Variants in SMIM31 observed in about 807,000 individuals in gnomAD.
SMIM31 encodes small integral membrane protein 31.
At chr4:164,782,276 T>G (rs534527255) in intron 2 of SMIM31, among the ~76,000 whole-genome samples, 2 of 150,726 alleles carry the variant, frequency 1.3e-5, no homozygotes, top group South Asian at 4.2e-4. Flanking sequence ...GCAACCAGAG[T>G]GAAACTCCGT....
At chr4:164,794,393 A>G (rs904543020) in intron 2 of SMIM31, among the ~76,000 whole-genome samples, 1 of 151,906 alleles carries the variant, frequency 6.6e-6, no homozygotes, top group Non-Finnish European at 1.5e-5. Context: ...AGAAGAAAAA[A>G]GAAGAAGAAG....
At chr4:164,769,512 G>T (rs111927687) in intron 1 of SMIM31, among the ~76,000 whole-genome samples, 2,766 of 144,264 alleles carry the variant, frequency 0.019, 88 homozygotes, top group African/African-American at 0.066. Flanking sequence ...ACCAAACACC[G>T]CATGTTCTCA....
At chr4:164,793,081 T>TCATTA (rs1733125470) in intron 2 of SMIM31, among the ~76,000 whole-genome samples, 1 of 151,294 alleles carries the variant, frequency 6.6e-6, no homozygotes, top group African/African-American at 2.4e-5. Context: ...ATACTGGAGG[T>TCATTA]CATTACATTA....
intron 1 of SMIM31, among the ~76,000 whole-genome samples, chr4:164,766,146 G>A (rs1379120339): frequency 1.3e-5 from 2 of 152,124 alleles, no homozygotes; most frequent in Admixed American, 1.3e-4. Flanking sequence ...AATAACAGCA[G>A]CAAGAAAAAC....
At chr4:164,772,409 G>A (rs1732816529) in intron 2 of SMIM31, among the ~76,000 whole-genome samples, 1 of 152,056 alleles carries the variant, frequency 6.6e-6, no homozygotes, top group Admixed American at 6.5e-5. Context: ...ATGAGATTCG[G>A]GAGGGAGCAC....
intron 2 of SMIM31, among the ~76,000 whole-genome samples, chr4:164,791,313 A>G (rs1361070387): frequency 6.6e-6 from 1 of 152,220 alleles, no homozygotes; most frequent in African/African-American, 2.4e-5. Flanking sequence ...TTTAAAAATT[A>G]TAATACATTT....
chr4:164,773,611 A>C (rs1732841696), intron 2 of SMIM31, among the ~76,000 whole-genome samples: 1 of 152,140 alleles, frequency 6.6e-6, no homozygotes, highest in African/African-American at 2.4e-5. Context: ...CCATGATTCT[A>C]TTACCTCCAC....
chr4:164,766,518 G>T (rs577925735), intron 1 of SMIM31, among the ~76,000 whole-genome samples: 47 of 152,232 alleles, frequency 3.1e-4, no homozygotes, highest in Non-Finnish European at 6.2e-4. Context: ...AAAAAATGTA[G>T]CCAGGCACGG....
chr4:164,757,679 C>A (rs1022379344), intron 1 of SMIM31, among the ~76,000 whole-genome samples: 5 of 151,480 alleles, frequency 3.3e-5, no homozygotes, highest in East Asian at 1.9e-4. Context: ...AAAACATTTT[C>A]TTTTCATTAC....
At chr4:164,755,566 G>GAGGGT (rs1732550353) in intron 1 of SMIM31, among the ~76,000 whole-genome samples, 1 of 58,682 alleles carries the variant, frequency 1.7e-5, no homozygotes, top group South Asian at 1.1e-3. Context: ...GAGGGGAGGG[G>GAGGGT]AGGGGAGGGG....
intron 2 of SMIM31, among the ~76,000 whole-genome samples, chr4:164,782,479 C>A (rs974682126): frequency 6.8e-6 from 1 of 147,640 alleles, no homozygotes; most frequent in Non-Finnish European, 1.5e-5. Flanking sequence ...CCCAGGTTCA[C>A]GCCATTCTCC....
intron 1 of SMIM31, among the ~76,000 whole-genome samples, chr4:164,765,996 C>T (rs961412570): frequency 1.3e-5 from 2 of 152,038 alleles, no homozygotes; most frequent in Non-Finnish European, 2.9e-5. Flanking sequence ...ATGCTGTCCC[C>T]GAGCAATCAT....
intron 1 of SMIM31, among the ~76,000 whole-genome samples, chr4:164,765,488 A>G (rs760185395): frequency 3.9e-5 from 6 of 152,226 alleles, no homozygotes; most frequent in Non-Finnish European, 7.3e-5. Flanking sequence ...GATTTACACC[A>G]TGACAGAACC....
chr4:164,774,026 C>G (rs933504696), intron 2 of SMIM31, among the ~76,000 whole-genome samples: 1 of 151,894 alleles, frequency 6.6e-6, no homozygotes, highest in African/African-American at 2.4e-5. Context: ...ATTAGCCAGG[C>G]GTGGTGGCGG....
rs1194691943 is a variant in SMIM31 at position 164,801,677 on chromosome 4, T to C, written c.*483T>C. The C allele has an allele frequency of 1.3e-5, 2 of 152,246 alleles. No individual in the cohort carries two copies. Among genetic ancestry groups the C allele is most frequent in the South Asian group, 2.1e-4 (1 of 4,828 alleles). The allele number at this position is 152,246 out of a possible 1,614,324, so 9.4% of individuals were successfully genotyped here. A position where few individuals can be genotyped will look rare whatever the true frequency, so the allele number is the denominator to read the frequency against. ...TAGGTGAAAGAGGGAAAAAACACTA[T>C]ATATTTTTTCAGCTTTACAGAAGAA... On this transcript the variant is annotated 3_prime_UTR_variant, in exon 3 of 3. Coordinates refer to ENST00000507311, the MANE Select transcript of SMIM31 (RefSeq NM_001352885.1).
intron 2 of SMIM31, among the ~76,000 whole-genome samples, chr4:164,782,204 C>T (rs188578367): frequency 5.3e-5 from 8 of 151,304 alleles, no homozygotes; most frequent in African/African-American, 1.5e-4. Flanking sequence ...GCAGGAGAAT[C>T]GCTTGAACCT....
Position 164,784,999 on chromosome 4 carries a change from G to A in SMIM31, c.112+14444G>A, listed in dbSNP as rs368075711. On this transcript the variant is annotated intron_variant, in intron 2 of 2. Transcript: ENST00000507311. ...AGCACTTTGGGAGGCCGAGGCGGGC[G>A]GATTGCCTGAGCTCAGGAGTTCGAA... Among the ~76,000 whole-genome samples, 113 of 151,806 alleles carry A rather than the reference G, an allele frequency of 7.4e-4. No individual in the cohort carries two copies. In the Middle Eastern group the frequency reaches 0.014, roughly 18 times the overall value.
intron 2 of SMIM31, among the ~76,000 whole-genome samples, chr4:164,776,943 A>G (rs1211735742): frequency 1.3e-5 from 2 of 152,210 alleles, no homozygotes; most frequent in African/African-American, 4.8e-5. Flanking sequence ...TATTGTTATA[A>G]TGCTACACTA....
At position 164,758,801 on chromosome 4, in the gene SMIM31, A is replaced by ATTTTTTTTTTTTTTTTT. The variant is rs35632469; in HGVS notation, c.-26+4414_-26+4430dup. Among the ~76,000 whole-genome samples the ATTTTTTTTTTTTTTTTT allele has an allele frequency of 8.5e-4, 52 of 60,904 alleles. 2 individuals are homozygous for ATTTTTTTTTTTTTTTTT. The highest frequency in any genetic ancestry group is 1.2e-3 in the East Asian group (2 of 1,638). 40.0% of individuals were successfully genotyped at this position (60,904 alleles called of 152,430 possible). A position where few individuals can be genotyped will look rare whatever the true frequency, so the allele number is the denominator to read the frequency against. On this transcript the variant is annotated intron_variant, in intron 1 of 2. Coordinates refer to ENST00000507311, the MANE Select transcript of SMIM31 (RefSeq NM_001352885.1). ...GGCGCCCGCCACCACGCCCGGCCAA[A>ATTTTTTTTTTTTTTTTT]TTTTTTTTTTTTTTTTTTTTTTTTT... is the stretch of plus-strand genomic sequence containing the variant.
Sources: allele counts gnomAD v4.1 joint callset (sites outside exome capture counted in the v4.1 genomes callset), GRCh38; gene constraint gnomAD v4.1.1; transcripts MANE v1.5; gene names NCBI Gene and HGNC (gene_info 2026-07-23, HGNC 2026-07-21).